Variants in MRC2 observed in about 807,000 individuals in gnomAD.
MRC2 encodes the protein mannose receptor C-type 2.
Under a neutral mutation model 206.2 loss-of-function variants are expected in MRC2, and 84 were observed. The ratio of observed to expected loss-of-function variants is 0.41; its 90% confidence interval spans 0.34 to 0.49. The LOEUF (loss-of-function observed/expected upper bound fraction) is 0.49, where lower values mean the gene tolerates loss of function less well. Ranked by LOEUF, MRC2 falls within the 20% of genes least tolerant of loss-of-function variation. MRC2 has a pLI of 0.31. For synonymous variants in MRC2, 798 were observed against 800.0 expected (o/e 1.00, Z 0.04); for missense variants, 1,676 against 2,001.5 (o/e 0.84, Z 3.10).
At chr17:62,674,702 G>A (rs914611209) in intron 9 of MRC2, among the ~76,000 whole-genome samples, 3 of 125,672 alleles carry the variant, frequency 2.4e-5, no homozygotes, top group African/African-American at 8.6e-5. Flanking sequence ...GGGAGGTTGA[G>A]GGGGGGGGTG....
In MRC2 at chr17:62,690,009, G is replaced by A. The variant is rs1340782403; in HGVS notation, c.3689G>A (p.Arg1230His). 17 of 1,611,136 alleles carry A rather than the reference G, an allele frequency of 1.1e-5. No individual in the cohort carries two copies. Among genetic ancestry groups the A allele is most frequent in the Non-Finnish European group, 1.3e-5 (15 of 1,179,104 alleles). The change falls in exon 25 of 30, where the codon CGC becomes CAC. Residue 1230 changes from arginine (R) to histidine (H), a missense_variant. By Grantham distance (29) the Arg-to-His change is conservative (BLOSUM62 0). This residue lies in a region of MRC2 where 1,354 missense variants were observed against 1,636.6 expected (regional missense o/e 0.83). Coordinates refer to ENST00000303375, the MANE Select transcript of MRC2 (RefSeq NM_006039.5). The stretch of plus-strand genomic sequence containing the variant: ...TACGTAGATGTGGACGGGGCCTGGC[G>A]CACCACCAGCTGTGACACCAAGCTG... ...CTYVDVDGAW[R>H]TTSCDTKLQG...
intron 1 of MRC2, among the ~76,000 whole-genome samples, chr17:62,634,524 C>T (rs561234300): frequency 8.5e-5 from 13 of 152,320 alleles, no homozygotes; most frequent in Admixed American, 5.9e-4. Context: ...TGGTCTTGAA[C>T]TCCTGACCTC....
rs747611940 is a variant in MRC2, at chr17:62,680,860, C to T, written c.2534C>T (p.Thr845Met). Residue 845 changes from threonine to methionine, a missense_variant, in exon 17 of 30, where the codon ACG becomes ATG. Thr to Met is a moderately conservative substitution (Grantham distance 81). This residue lies in a region of MRC2 where 1,354 missense variants were observed against 1,636.6 expected (regional missense o/e 0.83). Coordinates refer to ENST00000303375, the MANE Select transcript of MRC2 (RefSeq NM_006039.5). This position sits in a 1 kb window ranked among gnomAD's most constrained non-coding sequence, Gnocchi z 4.8. ...TACAAGTTCTTTGAGCACCACTCCA[C>T]GTGGGCGCAGGCGCAGCGCATCTGC... Reference protein sequence around the residue: ...AEYKFFEHHSTWAQAQRICTW... With the variant: ...AEYKFFEHHSMWAQAQRICTW... 8 of 1,612,966 alleles carry T rather than the reference C, an allele frequency of 5.0e-6. No homozygotes were observed. The highest frequency in any genetic ancestry group is 3.3e-4 in the Middle Eastern group (2 of 6,084).
At position 62,648,268 on chromosome 17, in the gene MRC2, A is replaced by G. The variant is rs140949516; in HGVS notation, c.119-16280A>G. 2.2e-3 allele frequency among the ~76,000 whole-genome samples: 337 copies of G among 152,292 alleles called. 1 individual carries two copies. Among genetic ancestry groups the G allele is most frequent in the African/African-American group, 7.6e-3 (317 of 41,548 alleles). ...AAAATACAAAAATAAGCTGGGTGTG[A>G]TGGCACACGCCTGTAATCCCAGCTA... On this transcript the variant is annotated intron_variant, in intron 1 of 29. Transcript: ENST00000303375.
chr17:62,691,802 C>T (rs1450294644), intron 28 of MRC2, among the ~76,000 whole-genome samples: 1 of 148,542 alleles, frequency 6.7e-6, no homozygotes, highest in Non-Finnish European at 1.5e-5. Context: ...AAAGTCCCGA[C>T]CTCCTAGAGT....
chr17:62,644,972 G>A (rs1285474396), intron 1 of MRC2, among the ~76,000 whole-genome samples: 1 of 152,146 alleles, frequency 6.6e-6, no homozygotes, highest in East Asian at 1.9e-4. Context: ...AAGGGGAGGG[G>A]TGGAGGGTTC....
At position 62,688,580 on chromosome 17, in the gene MRC2, G is replaced by A. The variant is rs755726109; in HGVS notation, c.3141G>A (p.Trp1047Ter). The change falls in exon 22 of 30, where the codon TGG (tryptophan) becomes TGA (stop). Residue 1047 changes from tryptophan to a stop codon, truncating the protein, a stop_gained. Coordinates refer to ENST00000303375, the MANE Select transcript of MRC2 (RefSeq NM_006039.5). LOFTEE classifies it high-confidence loss of function. ...GLHASQRDFQ[W>*]VEQEPLMYAN... ...ATGCCTCGCAGAGGGACTTCCAGTG[G>A]GTGGAGCAGGAGCCTTTGATGTATG... 1 of 1,614,240 alleles carries A rather than the reference G, an allele frequency of 6.2e-7. No individual in the cohort carries two copies. Among genetic ancestry groups the A allele is most frequent in the Non-Finnish European group, 8.5e-7 (1 of 1,180,050 alleles).
At position 62,664,762 on chromosome 17, in the gene MRC2, G is replaced by A; in HGVS notation, c.333G>A (p.Glu111=). 1.2e-6 allele frequency: 2 copies of A among 1,614,046 alleles called. No individual in the cohort carries two copies. Among genetic ancestry groups the A allele is most frequent in the Non-Finnish European group, 1.7e-6 (2 of 1,180,042 alleles). ...TNTTASLGMY[E]CDREALNLRW... Reference sequence around the variant, plus strand: ...CCACGGCCTCCCTGGGCATGTATGAGTGTGACCGGGAAGCACTGAATCTTC... The same window carrying A: ...CCACGGCCTCCCTGGGCATGTATGAATGTGACCGGGAAGCACTGAATCTTC... The change falls in exon 2 of 30, where the codon GAG becomes GAA. Residue 111 remains glutamate, a synonymous_variant. Coordinates refer to ENST00000303375, the MANE Select transcript of MRC2 (RefSeq NM_006039.5). This position sits in a 1 kb window ranked among gnomAD's most constrained non-coding sequence, Gnocchi z 4.7.
In MRC2 at chr17:62,680,615, C is replaced by A. The variant is rs1431803276; in HGVS notation, c.2473+162C>A. On this transcript the variant is annotated intron_variant, in intron 16 of 29. Transcript: ENST00000303375. The surrounding 1 kb of genome is among the most constrained non-coding windows in gnomAD (Gnocchi z 4.8). ...ACGGAGGCAGCCACAGCCCTGTTTG[C>A]TTCCGTGTGGGAGGCGAGGCAAGCC... 2.3e-6 allele frequency: 3 copies of A among 1,290,812 alleles called. No homozygotes were observed. The highest frequency in any genetic ancestry group is 3.2e-6 in the Non-Finnish European group (3 of 947,976). 80.0% of individuals were successfully genotyped at this position (1,290,812 alleles called of 1,614,324 possible).
chr17:62,642,317 C>T (rs1343595745), intron 1 of MRC2, among the ~76,000 whole-genome samples: 14 of 152,262 alleles, frequency 9.2e-5, no homozygotes, highest in Non-Finnish European at 1.0e-4. Flanking sequence ...TCATATTAAA[C>T]GTTTTTGGAA....
In MRC2 at chr17:62,671,946, G is replaced by A. The variant is rs2088831486; in HGVS notation, c.1307-52G>A. 2 of 1,612,610 alleles carry A rather than the reference G, an allele frequency of 1.2e-6. No individual in the cohort carries two copies. The highest frequency in any genetic ancestry group is 2.2e-5 in the East Asian group (1 of 44,852). On this transcript the variant is annotated intron_variant, in intron 7 of 29. Transcript: ENST00000303375. This position sits in a 1 kb window ranked among gnomAD's most constrained non-coding sequence, Gnocchi z 4.5. ...TGTTCCTTCCTCCCTACTGGTGGCT[G>A]AGGCTGACCTCTCAATGTTTTCTCT...
In MRC2 at chr17:62,680,192, G is replaced by C; in HGVS notation, c.2321G>C (p.Arg774Pro). ...GVGFSYHNFDRSRHDDDDIRG... is the reference protein window; with the variant it reads ...GVGFSYHNFDPSRHDDDDIRG... ...CAGTTCTCTTACCACAATTTCGACCGGAGCCGGCACGACGACGACGACATC... is the reference window on the plus strand; with the variant it reads ...CAGTTCTCTTACCACAATTTCGACCCGAGCCGGCACGACGACGACGACATC... The change falls in exon 15 of 30, where the codon CGG (arginine) becomes CCG (proline). Residue 774 changes from arginine (R) to proline (P), a missense_variant. Coordinates refer to ENST00000303375, the MANE Select transcript of MRC2 (RefSeq NM_006039.5). This position sits in a 1 kb window ranked among gnomAD's most constrained non-coding sequence, Gnocchi z 4.8. 1 of 1,614,104 alleles carries C rather than the reference G, an allele frequency of 6.2e-7. No homozygotes were observed. The highest frequency in any genetic ancestry group is 8.5e-7 in the Non-Finnish European group (1 of 1,180,000).
At chr17:62,676,213 G>A (rs1340538879) in intron 10 of MRC2, among the ~76,000 whole-genome samples, 170 bp from the exon 11 acceptor site, 1 of 152,070 alleles carries the variant, frequency 6.6e-6, no homozygotes, top group Non-Finnish European at 1.5e-5. Context: ...GAATAGAAGG[G>A]GCAGCTGGGG....
intron 1 of MRC2, among the ~76,000 whole-genome samples, chr17:62,657,168 A>C (rs1441877968): frequency 2.0e-5 from 3 of 152,186 alleles, no homozygotes; most frequent in African/African-American, 7.2e-5. Flanking sequence ...TTTCCTGGGC[A>C]GATAAAGGCA....
chr17:62,637,645 C>T (rs1019339659), intron 1 of MRC2, among the ~76,000 whole-genome samples: 4 of 152,148 alleles, frequency 2.6e-5, no homozygotes, highest in Non-Finnish European at 5.9e-5. Context: ...CTGCCCAACC[C>T]GGACTCTGCT....
At position 62,680,623 on chromosome 17, in the gene MRC2, T is replaced by G; in HGVS notation, c.2473+170T>G. 2 of 1,254,800 alleles carry G rather than the reference T, an allele frequency of 1.6e-6. No individual in the cohort carries two copies. The highest frequency in any genetic ancestry group is 1.5e-5 in the African/African-American group (1 of 66,554). 77.7% of individuals were successfully genotyped at this position (1,254,800 alleles called of 1,614,324 possible). ...AGCCACAGCCCTGTTTGCTTCCGTGTGGGAGGCGAGGCAAGCCTGGGGCCT... is the reference window on the plus strand; with the variant it reads ...AGCCACAGCCCTGTTTGCTTCCGTGGGGGAGGCGAGGCAAGCCTGGGGCCT... On this transcript the variant is annotated intron_variant, in intron 16 of 29. Transcript: ENST00000303375. The surrounding 1 kb of genome is among the most constrained non-coding windows in gnomAD (Gnocchi z 4.8).
intron 1 of MRC2, among the ~76,000 whole-genome samples, chr17:62,640,058 CGG>C (rs1555675267): frequency 3.9e-5 from 5 of 127,896 alleles, no homozygotes; most frequent in African/African-American, 1.5e-4. Flanking sequence ...TTAGTAGAGA[CGG>C]GGGTTTCTTC....
At chr17:62,651,086 CT>C (rs764258977) in intron 1 of MRC2, among the ~76,000 whole-genome samples, 1,841 of 142,068 alleles carry the variant, frequency 0.013, 3 homozygotes, top group African/African-American at 0.013. Flanking sequence ...TGACAAACAT[CT>C]TTTTTTTTTT....
intron 1 of MRC2, among the ~76,000 whole-genome samples, chr17:62,659,363 AACTGCGTCTGTACTAAAAAT>A (rs373500125): frequency 8.5e-5 from 13 of 152,272 alleles, no homozygotes; most frequent in African/African-American, 2.9e-4. Context: ...AACATGGTGA[AACTGCGTCTGTACTAAAAAT>A]ACAAAAATTA....
Sources: allele counts gnomAD v4.1 joint callset (sites outside exome capture counted in the v4.1 genomes callset), GRCh38; gene constraint gnomAD v4.1.1; regional missense constraint gnomAD v4.1.1; non-coding constraint Gnocchi (gnomAD v3.1); transcripts MANE v1.5; gene names NCBI Gene and HGNC (gene_info 2026-07-23, HGNC 2026-07-21).